TMC1: variants seen among roughly 807,000 people sequenced by gnomAD.
The protein encoded by TMC1 is transmembrane channel like 1.
TMC1 carries 84 observed loss-of-function variants against 105.8 expected under a neutral mutation model. That is an observed-to-expected ratio of 0.79 (90% confidence interval 0.67 to 0.95). The LOEUF (loss-of-function observed/expected upper bound fraction) is 0.95, where lower values mean the gene tolerates loss of function less well. TMC1 is among the 40% of genes least tolerant of loss of function. The probability of loss-of-function intolerance (pLI) is 0.00; values close to 1 mark genes in which losing one functional copy is unlikely to be tolerated. For missense variants in TMC1, 817 were observed against 914.1 expected, an observed-to-expected ratio of 0.89 and a Z score of 1.37; for synonymous variants, 315 against 311.5, an observed-to-expected ratio of 1.01 and a Z score of -0.12.
rs565793121 is a variant in TMC1 at position 72,653,473 on chromosome 9, C to T, written c.16+4809C>T. On this transcript the variant is annotated intron_variant, in intron 5 of 23. Coordinates refer to ENST00000297784, the MANE Select transcript of TMC1 (RefSeq NM_138691.3). ...TATGAAACTTACATACCATAGGTTA[C>T]TATTCAACAATAAAAAGAAAAACTG... Among the ~76,000 whole-genome samples the T allele has an allele frequency of 6.6e-5, 10 of 152,268 alleles. No homozygotes were observed. In the South Asian group the frequency reaches 2.1e-3, roughly 32 times the overall value.
intron 4 of TMC1, among the ~76,000 whole-genome samples, chr9:72,640,632 GTTTTTTGT>G (rs751741917): frequency 4.9e-5 from 7 of 141,426 alleles, no homozygotes; most frequent in Non-Finnish European, 6.2e-5. Flanking sequence ...TTTGTTTTTT[GTTTTTTGT>G]TTTTTTTTTT....
At chr9:72,550,015 T>C (rs1823834826) in intron 1 of TMC1, among the ~76,000 whole-genome samples, 1 of 151,644 alleles carries the variant, frequency 6.6e-6, no homozygotes, top group Non-Finnish European at 1.5e-5. Flanking sequence ...CCCAAAGTGC[T>C]AGGATTACAG....
chr9:72,813,920 G>A (rs1828742522), intron 18 of TMC1, among the ~76,000 whole-genome samples: 1 of 152,094 alleles, frequency 6.6e-6, no homozygotes, highest in Non-Finnish European at 1.5e-5. Flanking sequence ...TGTGCATCAG[G>A]CCAATTTATA....
intron 1 of TMC1, among the ~76,000 whole-genome samples, chr9:72,566,743 C>T (rs570459361): frequency 1.4e-4 from 21 of 152,254 alleles, no homozygotes; most frequent in Admixed American, 1.2e-3. Flanking sequence ...GTGGACTCTG[C>T]CACAGACATG....
intron 6 of TMC1, 87 bp downstream of exon 6, chr9:72,688,843 C>G: frequency 9.0e-7 from 1 of 1,112,178 alleles, no homozygotes; most frequent in Middle Eastern, 2.0e-4. Flanking sequence ...CTTGAGCTAC[C>G]ATATGTAAGC....
chr9:72,630,478 A>G (rs1159613949), intron 4 of TMC1, among the ~76,000 whole-genome samples: 3 of 152,214 alleles, frequency 2.0e-5, no homozygotes, highest in Non-Finnish European at 4.4e-5. Flanking sequence ...ATAATAGGAA[A>G]GTTATTAGAA....
At chr9:72,716,230 C>T (rs114050048) in intron 8 of TMC1, among the ~76,000 whole-genome samples, 1,639 of 152,310 alleles carry the variant, frequency 0.011, 24 homozygotes, top group African/African-American at 0.038. Flanking sequence ...AGTCAGTATA[C>T]CTGGGGGTGA....
chr9:72,694,093 A>G (rs888942217), intron 6 of TMC1, among the ~76,000 whole-genome samples: 1 of 152,114 alleles, frequency 6.6e-6, no homozygotes. Context: ...AGTTTGTAGC[A>G]CCTCTTTAAC....
At chr9:72,559,773 G>A (rs577443023) in intron 1 of TMC1, among the ~76,000 whole-genome samples, 16 of 152,220 alleles carry the variant, frequency 1.1e-4, no homozygotes, top group East Asian at 3.9e-4. Flanking sequence ...CACCATGATC[G>A]TGCCATCTGA....
At chr9:72,735,189 G>A (rs1827276886) in intron 8 of TMC1, among the ~76,000 whole-genome samples, 1 of 152,196 alleles carries the variant, frequency 6.6e-6, no homozygotes, top group Non-Finnish European at 1.5e-5. Flanking sequence ...AGCACGGTTT[G>A]CTTCAGCTCT....
chr9:72,653,037 T>C (rs1174331809), intron 5 of TMC1, among the ~76,000 whole-genome samples: 1 of 152,242 alleles, frequency 6.6e-6, no homozygotes, highest in Non-Finnish European at 1.5e-5. Context: ...TAGCATTTCC[T>C]ACAATAAATA....
At chr9:72,551,869 A>G (rs780509117) in intron 1 of TMC1, among the ~76,000 whole-genome samples, 35 of 152,244 alleles carry the variant, frequency 2.3e-4, no homozygotes, top group Middle Eastern at 6.8e-3. Flanking sequence ...GATGGCAGAG[A>G]TTAGAGTGAT....
chr9:72,641,586 A>G (rs970164352), intron 4 of TMC1, among the ~76,000 whole-genome samples: 1 of 152,166 alleles, frequency 6.6e-6, no homozygotes, highest in Non-Finnish European at 1.5e-5. Flanking sequence ...CCAGATGGCA[A>G]CAGTGGAACA....
chr9:72,817,434 A>G (rs1173309321), intron 19 of TMC1: 1 of 152,124 alleles, frequency 6.6e-6, no homozygotes, highest in Non-Finnish European at 1.5e-5. Flanking sequence ...ACGTCTACTG[A>G]CACAGAAGTA....
chr9:72,700,743 T>TATATATATATATATATACAC (rs1242969553), intron 8 of TMC1, 100 bp downstream of exon 8: 1 of 130,840 alleles, frequency 7.6e-6, no homozygotes, highest in African/African-American at 4.3e-5. Context: ...TATATATATA[T>TATATATATATATATATACAC]ACACACACAC....
At chr9:72,635,986 C>A (rs906602544) in intron 4 of TMC1, among the ~76,000 whole-genome samples, 1 of 152,138 alleles carries the variant, frequency 6.6e-6, no homozygotes, top group African/African-American at 2.4e-5. Context: ...ACCAAAATTA[C>A]CTGTGTCAGA....
At chr9:72,538,920 A>G (rs1035941202) in intron 1 of TMC1, among the ~76,000 whole-genome samples, 1 of 152,112 alleles carries the variant, frequency 6.6e-6, no homozygotes, top group African/African-American at 2.4e-5. Context: ...GGGAGGGTGT[A>G]ATAAGGCATG....
intron 5 of TMC1, among the ~76,000 whole-genome samples, chr9:72,683,397 C>T (rs186189848): frequency 1.3e-4 from 20 of 152,044 alleles, no homozygotes; most frequent in African/African-American, 4.1e-4. Context: ...CCCCATCATT[C>T]GTATTGCTAT....
At chr9:72,555,059 A>G (rs993333615) in intron 1 of TMC1, among the ~76,000 whole-genome samples, 4 of 151,864 alleles carry the variant, frequency 2.6e-5, no homozygotes, top group Admixed American at 2.0e-4. Flanking sequence ...TTGTATTTTC[A>G]GTAGAGAAGG....
Sources: allele counts gnomAD v4.1 joint callset (sites outside exome capture counted in the v4.1 genomes callset), GRCh38; gene constraint gnomAD v4.1.1; transcripts MANE v1.5; gene names NCBI Gene and HGNC (gene_info 2026-07-23, HGNC 2026-07-21).